Variants in AK7 observed in about 807,000 individuals in gnomAD.
AK7 encodes the protein ATP-AMP transphosphorylase 7.
Under a neutral mutation model 96.6 loss-of-function variants are expected in AK7, and 78 were observed. That is an observed-to-expected ratio of 0.81 (90% CI 0.67 to 0.97). AK7 has a LOEUF of 0.97. Ranked by LOEUF, AK7 falls within the 50% of genes least tolerant of loss-of-function variation. The pLI, the probability that AK7 is intolerant of heterozygous loss-of-function variation, is 0.00. For synonymous variants in AK7, 302 were observed against 317.2 expected, an observed-to-expected ratio of 0.95 and a Z score of 0.51; for missense variants, 855 against 887.9, an observed-to-expected ratio of 0.96 and a Z score of 0.47.
At chr14:96,467,046 T>TAAAAAAAA (rs11295444) in intron 12 of AK7, among the ~76,000 whole-genome samples, 2 of 137,966 alleles carry the variant, frequency 1.4e-5, no homozygotes, top group African/African-American at 2.7e-5. Context: ...GACGAATATG[T>TAAAAAAAA]AAAAAAAAAA....
Position 96,483,160 on chromosome 14 carries a change from G to A in AK7, c.1915G>A (p.Glu639Lys), listed in dbSNP as rs1440183059. 4 of 1,613,598 alleles carry A rather than the reference G, an allele frequency of 2.5e-6. No individual in the cohort carries two copies. In the African/African-American group the frequency reaches 5.3e-5, roughly 22 times the overall value. Residue 639 changes from glutamate (E) to lysine (K), a missense_variant, in exon 16 of 18, where the codon GAA (glutamate) becomes AAA (lysine). Physicochemically the swap from Glu to Lys is moderately conservative, Grantham distance 56. Coordinates refer to ENST00000267584, the MANE Select transcript of AK7 (RefSeq NM_152327.5). ...RLAREAAEEA[E>K]REHQEAVEMA... The stretch of plus-strand genomic sequence containing the variant: ...GGCCAGGGAGGCTGCTGAGGAAGCA[G>A]AACGCGAGCACCAGGAGGCCGTGGA...
chr14:96,435,925 C>G (rs1892613578), intron 5 of AK7, among the ~76,000 whole-genome samples: 2 of 152,160 alleles, frequency 1.3e-5, no homozygotes, highest in African/African-American at 2.4e-5. Flanking sequence ...CGATTCCAAA[C>G]TGTTTTTTCT....
At chr14:96,471,756 T>G (rs570525429) in intron 13 of AK7, 150 bp downstream of exon 13, 6 of 627,422 alleles carry the variant, frequency 9.6e-6, no homozygotes, top group South Asian at 1.2e-4. Flanking sequence ...CGTAGCTTTT[T>G]TTTTTCTTTT....
chr14:96,488,330 C>T lies in AK7; in HGVS notation c.2159C>T (p.Pro720Leu), dbSNP rs1316499311. 23 of 1,611,768 alleles carry T rather than the reference C, an allele frequency of 1.4e-5. No homozygotes were observed. The highest frequency in any genetic ancestry group is 2.0e-5 in the Non-Finnish European group (23 of 1,178,284). ...FLAEYLFKNN[P>L]EAQ ...GCAGAATATCTCTTCAAGAACAATCCTGAAGCACAGTGAAACTTGAAAGAT... is the reference window on the plus strand; with the variant it reads ...GCAGAATATCTCTTCAAGAACAATCTTGAAGCACAGTGAAACTTGAAAGAT... The change falls in exon 18 of 18, where the codon CCT becomes CTT. Residue 720 changes from proline (P) to leucine (L), a missense_variant. Physicochemically the swap from Pro to Leu is moderately conservative, Grantham distance 98. Transcript: ENST00000267584.
intron 10 of AK7, among the ~76,000 whole-genome samples, chr14:96,453,257 A>G (rs1893709007): frequency 6.6e-6 from 1 of 152,226 alleles, no homozygotes; most frequent in Admixed American, 6.6e-5. Context: ...CTCAGAGGTT[A>G]GACTAATGTC....
chr14:96,441,656 A>AAG (rs1555381476), intron 6 of AK7, among the ~76,000 whole-genome samples: 2 of 151,486 alleles, frequency 1.3e-5, no homozygotes, highest in African/African-American at 4.8e-5. Context: ...AAAAAAAAAA[A>AAG]AAAAAAGAAA....
chr14:96,415,488 A>G (rs1891274904), intron 4 of AK7, among the ~76,000 whole-genome samples: 1 of 151,938 alleles, frequency 6.6e-6, no homozygotes, highest in African/African-American at 2.4e-5. Context: ...CTGTACATTT[A>G]AAAGTAAACT....
chr14:96,400,793 A>G (rs553583290), intron 2 of AK7, among the ~76,000 whole-genome samples: 7 of 152,354 alleles, frequency 4.6e-5, no homozygotes, highest in East Asian at 1.9e-4. Flanking sequence ...CCTTAGATCA[A>G]TTAGGCTCAT....
At chr14:96,405,971 T>C (rs920169496) in intron 3 of AK7, among the ~76,000 whole-genome samples, 2 of 152,128 alleles carry the variant, frequency 1.3e-5, no homozygotes, top group African/African-American at 4.8e-5. Context: ...TAATGAACTG[T>C]AATGTAAGGA....
intron 2 of AK7, among the ~76,000 whole-genome samples, chr14:96,401,885 T>C (rs1380033201): frequency 6.6e-6 from 1 of 152,166 alleles, no homozygotes; most frequent in African/African-American, 2.4e-5. Context: ...GTCCATTGAA[T>C]CTCAGATGTA....
intron 11 of AK7, chr14:96,457,153 T>G (rs958829539): frequency 1.4e-5 from 2 of 145,056 alleles, no homozygotes; most frequent in Non-Finnish European, 3.0e-5. Context: ...CTTCACCTCC[T>G]GGGTTCAAGC....
chr14:96,399,199 C>G lies in AK7; in HGVS notation c.294+936C>G, dbSNP rs1324909409. 1.3e-5 allele frequency: 2 copies of G among 152,166 alleles called. No homozygotes were observed. The highest frequency in any genetic ancestry group is 2.9e-5 in the Non-Finnish European group (2 of 68,082). 9.4% of individuals were successfully genotyped at this position (152,166 alleles called of 1,614,324 possible). A position where few individuals can be genotyped will look rare whatever the true frequency, so the allele number is the denominator to read the frequency against. The stretch of plus-strand genomic sequence containing the variant: ...CTGTCAGCTCCTTGAGGGTGGAGAC[C>G]GTGACTTGTTTATCCCTGTGTTTAT... On this transcript the variant is annotated intron_variant, in intron 2 of 17. Transcript: ENST00000267584. This position sits in a 1 kb window ranked among gnomAD's most constrained non-coding sequence, Gnocchi z 4.1.
At chr14:96,415,342 A>G (rs1039326520) in intron 4 of AK7, among the ~76,000 whole-genome samples, 1 of 152,058 alleles carries the variant, frequency 6.6e-6, no homozygotes, top group African/African-American at 2.4e-5. Flanking sequence ...AAAAAAGGAA[A>G]TCTGGCAAGC....
At chr14:96,404,364 A>T (rs1209960604) in intron 2 of AK7, among the ~76,000 whole-genome samples, 1 of 152,206 alleles carries the variant, frequency 6.6e-6, no homozygotes, top group Admixed American at 6.5e-5. Context: ...TTCATCATTC[A>T]TCAGCACTTC....
rs1889767463 is a variant in AK7, at chr14:96,392,128, A to C, written c.-27A>C. The C allele has an allele frequency of 6.3e-7, 1 of 1,582,708 alleles. No individual in the cohort carries two copies. The highest frequency in any genetic ancestry group is 8.7e-7 in the Non-Finnish European group (1 of 1,153,172). On this transcript the variant is annotated 5_prime_UTR_variant, in exon 1 of 18. Coordinates refer to ENST00000267584, the MANE Select transcript of AK7 (RefSeq NM_152327.5). ...TCCTTGGCAAGCGAGTGGCGCTTTCACCTTAGCAACCAGCGCGGCTCCCAC... is the reference window on the plus strand; with the variant it reads ...TCCTTGGCAAGCGAGTGGCGCTTTCCCCTTAGCAACCAGCGCGGCTCCCAC...
intron 16 of AK7, 83 bp from the exon 17 acceptor site, chr14:96,486,815 T>G: frequency 7.8e-7 from 1 of 1,288,266 alleles, no homozygotes; most frequent in Non-Finnish European, 1.1e-6. Context: ...TAGCAGTGTC[T>G]CAATGCACTG....
At chr14:96,408,363 T>C (rs1890844138) in intron 3 of AK7, among the ~76,000 whole-genome samples, 2 of 152,224 alleles carry the variant, frequency 1.3e-5, no homozygotes, top group African/African-American at 4.8e-5. Flanking sequence ...TCTATGATCC[T>C]GGGCAAACTG....
chr14:96,440,010 C>CT (rs2140088149), intron 6 of AK7, among the ~76,000 whole-genome samples: 1 of 152,228 alleles, frequency 6.6e-6, no homozygotes, highest in South Asian at 2.1e-4. Flanking sequence ...GAGTCTTACT[C>CT]TTTCACCCAG....
chr14:96,437,765 T>C (rs1362886485), intron 5 of AK7, 70 bp from the exon 6 acceptor site: 13 of 1,211,778 alleles, frequency 1.1e-5, no homozygotes, highest in Non-Finnish European at 1.5e-5. Flanking sequence ...TTTTAACTAC[T>C]AAAATAATCT....
Sources: allele counts gnomAD v4.1 joint callset (sites outside exome capture counted in the v4.1 genomes callset), GRCh38; gene constraint gnomAD v4.1.1; non-coding constraint Gnocchi (gnomAD v3.1); transcripts MANE v1.5; gene names NCBI Gene and HGNC (gene_info 2026-07-23, HGNC 2026-07-21).